TAFA2: variants seen among roughly 807,000 people sequenced by gnomAD.
The protein encoded by TAFA2 is TAFA chemokine like family member 2, also known as chemokine-like protein TAFA-2.
TAFA2 carries 7 observed loss-of-function variants against 18.8 expected under a neutral mutation model. The observed-to-expected ratio is 0.37, with a 90% CI of 0.21 to 0.70. The LOEUF is 0.70. Among genes scored for constraint, TAFA2 ranks in the 30% least tolerant of loss-of-function variants. The pLI is 0.53. For synonymous variants in TAFA2, 60 were observed against 54.2 expected, an observed-to-expected ratio of 1.11 and a Z score of -0.47; for missense variants, 122 against 158.1, an observed-to-expected ratio of 0.77 and a Z score of 1.23.
chr12:62,213,040 G>A (rs2062720380), intron 1 of TAFA2, among the ~76,000 whole-genome samples: 1 of 152,124 alleles, frequency 6.6e-6, no homozygotes, highest in South Asian at 2.1e-4. Context: ...ATAAAATAGA[G>A]GCCGCAAATT....
intron 1 of TAFA2, among the ~76,000 whole-genome samples, chr12:62,218,870 T>C (rs750121125): frequency 1.3e-5 from 2 of 152,174 alleles, no homozygotes; most frequent in Non-Finnish European, 2.9e-5. Flanking sequence ...GAAGGACATT[T>C]TTCAGGCTGT....
At chr12:61,951,497 T>C (rs2121452968) in intron 1 of TAFA2, among the ~76,000 whole-genome samples, 1 of 152,114 alleles carries the variant, frequency 6.6e-6, no homozygotes. Context: ...TGGCTCAAAT[T>C]AGGCAACAGT....
At chr12:61,843,369 A>T (rs1873268941) in intron 2 of TAFA2, among the ~76,000 whole-genome samples, 1 of 152,080 alleles carries the variant, frequency 6.6e-6, no homozygotes. Flanking sequence ...TTTAAGAGAA[A>T]CAAAAAATGA....
intron 1 of TAFA2, among the ~76,000 whole-genome samples, chr12:61,914,021 T>C (rs902995870): frequency 2.0e-5 from 3 of 152,190 alleles, no homozygotes; most frequent in African/African-American, 4.8e-5. Context: ...ACCCCAGCTA[T>C]ATTGCCATAC....
intron 1 of TAFA2, among the ~76,000 whole-genome samples, chr12:62,104,205 A>G (rs1322892612): frequency 6.6e-6 from 1 of 152,132 alleles, no homozygotes; most frequent in African/African-American, 2.4e-5. Flanking sequence ...AAAGTGACAA[A>G]CGTGCCATTT....
intron 1 of TAFA2, among the ~76,000 whole-genome samples, chr12:61,915,955 C>A (rs1876805497): frequency 6.6e-6 from 1 of 152,204 alleles, no homozygotes; most frequent in African/African-American, 2.4e-5. Flanking sequence ...CAGTGTGACA[C>A]ATAAAATCAA....
At chr12:61,719,412 T>A in intron 4 of TAFA2, among the ~76,000 whole-genome samples, 1 of 152,148 alleles carries the variant, frequency 6.6e-6, no homozygotes, top group East Asian at 1.9e-4. Flanking sequence ...TTTTGAGATA[T>A]CTTTTCAGGG....
chr12:62,120,655 AC>A (rs1870151736), intron 1 of TAFA2, among the ~76,000 whole-genome samples: 1 of 152,154 alleles, frequency 6.6e-6, no homozygotes, highest in East Asian at 1.9e-4. Flanking sequence ...AGCTGACCCA[AC>A]AGCATGACCA....
intron 1 of TAFA2, among the ~76,000 whole-genome samples, chr12:62,082,088 C>T (rs539456359): frequency 2.0e-5 from 3 of 152,092 alleles, no homozygotes; most frequent in Admixed American, 6.5e-5. Flanking sequence ...ATAATGGCTT[C>T]CAACTCCATC....
At chr12:62,031,405 G>T (rs893075206) in intron 1 of TAFA2, among the ~76,000 whole-genome samples, 8 of 152,044 alleles carry the variant, frequency 5.3e-5, no homozygotes, top group African/African-American at 1.9e-4. Flanking sequence ...AATCAGACTG[G>T]CTCTCTTTGC....
intron 1 of TAFA2, among the ~76,000 whole-genome samples, chr12:61,947,260 G>C (rs1464344361): frequency 6.9e-6 from 1 of 145,048 alleles, no homozygotes; most frequent in Non-Finnish European, 1.5e-5. Flanking sequence ...TGAACAATGA[G>C]ATCACATGGA....
intron 1 of TAFA2, among the ~76,000 whole-genome samples, chr12:61,963,096 G>A (rs1878946083): frequency 6.6e-6 from 1 of 151,936 alleles, no homozygotes; most frequent in Non-Finnish European, 1.5e-5. Flanking sequence ...TGGTGTATAT[G>A]TGCCATATTT....
At chr12:62,060,722 G>A (rs1882324641) in intron 1 of TAFA2, among the ~76,000 whole-genome samples, 1 of 152,190 alleles carries the variant, frequency 6.6e-6, no homozygotes, top group Non-Finnish European at 1.5e-5. Flanking sequence ...ACAAGATATG[G>A]AGGCTGCAGA....
chr12:61,765,241 G>A (rs537056878), intron 2 of TAFA2, among the ~76,000 whole-genome samples: 28 of 152,092 alleles, frequency 1.8e-4, no homozygotes, highest in African/African-American at 5.8e-4. Context: ...TTAGTGCCAA[G>A]AGTGACCTTG....
At chr12:62,234,827 T>TA (rs920663378) in intron 1 of TAFA2, 2 of 1,029,526 alleles carry the variant, frequency 1.9e-6, no homozygotes, top group African/African-American at 3.2e-5. Flanking sequence ...CTGGCTGACT[T>TA]ACGAGAGTCC....
intron 1 of TAFA2, chr12:62,135,912 T>G (rs966857149): frequency 6.6e-6 from 1 of 152,090 alleles, no homozygotes; most frequent in African/African-American, 2.4e-5. Flanking sequence ...ATAGAAGAAA[T>G]GCATGGCTTC....
chr12:62,138,709 G>A (rs2062216710), intron 1 of TAFA2, among the ~76,000 whole-genome samples: 1 of 152,156 alleles, frequency 6.6e-6, no homozygotes, highest in Admixed American at 6.5e-5. Flanking sequence ...TGCAGCCTGT[G>A]AGTGTGTGCA....
chr12:61,897,697 T>C (rs763429051), intron 1 of TAFA2, among the ~76,000 whole-genome samples: 19 of 152,102 alleles, frequency 1.2e-4, no homozygotes, highest in Non-Finnish European at 2.6e-4. Flanking sequence ...ACATGGGGAA[T>C]ATGGGGATTA....
chr12:61,777,548 T>C (rs1310897385), intron 2 of TAFA2, among the ~76,000 whole-genome samples: 3 of 151,804 alleles, frequency 2.0e-5, no homozygotes, highest in Admixed American at 2.0e-4. Context: ...CTCAGCAACT[T>C]ACCTTTTCTT....
Sources: allele counts gnomAD v4.1 joint callset (sites outside exome capture counted in the v4.1 genomes callset), GRCh38; gene constraint gnomAD v4.1.1; transcripts MANE v1.5; gene names NCBI Gene and HGNC (gene_info 2026-07-23, HGNC 2026-07-21).